Variants in CDH13 observed in about 807,000 individuals in gnomAD.
The protein encoded by CDH13 is cadherin-13.
Under a neutral mutation model 63.8 loss-of-function variants are expected in CDH13, and 24 were observed. That is an observed-to-expected ratio of 0.38 (90% CI 0.27 to 0.53). The LOEUF is 0.53. Ranked by LOEUF, CDH13 falls within the 20% of genes least tolerant of loss-of-function variation. The pLI is 0.85. For missense variants in CDH13, 1,049 were observed against 903.1 expected, an observed-to-expected ratio of 1.16 and a Z score of -2.07; for synonymous variants, 503 against 355.3, an observed-to-expected ratio of 1.42 and a Z score of -4.67.
intron 8 of CDH13, among the ~76,000 whole-genome samples, chr16:83,646,052 GT>G (rs1911760610): frequency 6.6e-6 from 1 of 152,148 alleles, no homozygotes; most frequent in Non-Finnish European, 1.5e-5. Context: ...AGCTGTATGG[GT>G]TGGAGCAGTG....
chr16:83,481,452 G>A (rs981833603), intron 6 of CDH13, among the ~76,000 whole-genome samples: 2 of 152,208 alleles, frequency 1.3e-5, no homozygotes, highest in Admixed American at 1.3e-4. Flanking sequence ...TTCTCAAGGG[G>A]TTGGCCGTGC....
intron 8 of CDH13, among the ~76,000 whole-genome samples, chr16:83,649,322 A>G (rs1255847027): frequency 1.3e-5 from 2 of 152,212 alleles, no homozygotes; most frequent in Admixed American, 6.5e-5. Context: ...TTGCAAATAA[A>G]TTTACAGTGC....
chr16:83,400,001 A>G (rs886407504), intron 6 of CDH13, among the ~76,000 whole-genome samples: 1 of 152,176 alleles, frequency 6.6e-6, no homozygotes, highest in African/African-American at 2.4e-5. Context: ...AATCCTCTAG[A>G]ATTGTATGGT....
intron 1 of CDH13, among the ~76,000 whole-genome samples, chr16:82,854,920 C>T (rs1248958057): frequency 1.3e-5 from 2 of 152,124 alleles, no homozygotes; most frequent in Non-Finnish European, 2.9e-5. Flanking sequence ...TTGCTTTGGA[C>T]AATGTGTAGC....
At chr16:83,140,016 A>G (rs1310785897) in intron 4 of CDH13, among the ~76,000 whole-genome samples, 1 of 152,120 alleles carries the variant, frequency 6.6e-6, no homozygotes, top group Non-Finnish European at 1.5e-5. Flanking sequence ...ATAAATAAAT[A>G]TCCCTGAGTC....
chr16:83,185,107 G>A (rs2038477364), intron 4 of CDH13, among the ~76,000 whole-genome samples: 1 of 152,006 alleles, frequency 6.6e-6, no homozygotes, highest in South Asian at 2.1e-4. Context: ...TATATATAAA[G>A]AAACTGAGGC....
intron 4 of CDH13, among the ~76,000 whole-genome samples, chr16:83,147,663 G>T (rs545772944): frequency 6.6e-6 from 1 of 152,054 alleles, no homozygotes; most frequent in Non-Finnish European, 1.5e-5. Context: ...ACATCCTTAT[G>T]GGAAAGGGAC....
chr16:83,166,622 G>A (rs985112920), intron 4 of CDH13, among the ~76,000 whole-genome samples: 1 of 152,064 alleles, frequency 6.6e-6, no homozygotes, highest in East Asian at 1.9e-4. Context: ...AATATAGATT[G>A]TGCTCTTACC....
chr16:83,180,216 C>T (rs2038294695), intron 4 of CDH13, among the ~76,000 whole-genome samples: 1 of 151,946 alleles, frequency 6.6e-6, no homozygotes, highest in Admixed American at 6.6e-5. Context: ...AGCCCTAAAT[C>T]AATCAACATA....
At chr16:83,411,725 A>G (rs1280583882) in intron 6 of CDH13, among the ~76,000 whole-genome samples, 1 of 152,182 alleles carries the variant, frequency 6.6e-6, no homozygotes, top group South Asian at 2.1e-4. Flanking sequence ...TGTTTCACAC[A>G]GAGTAGGCAC....
At chr16:83,309,825 ACTTTGT>A (rs987767621) in intron 5 of CDH13, among the ~76,000 whole-genome samples, 12 of 151,468 alleles carry the variant, frequency 7.9e-5, no homozygotes, top group Admixed American at 2.0e-4. Context: ...TTTTTTTTTA[ACTTTGT>A]CTTTGTGGAC....
intron 7 of CDH13, among the ~76,000 whole-genome samples, chr16:83,547,012 G>T (rs541919088): frequency 6.6e-6 from 1 of 152,324 alleles, no homozygotes; most frequent in South Asian, 2.1e-4. Flanking sequence ...AAGGACCACA[G>T]TTGGCTTGAA....
chr16:82,836,221 T>C (rs1438067533), intron 1 of CDH13, among the ~76,000 whole-genome samples: 1 of 152,146 alleles, frequency 6.6e-6, no homozygotes, highest in East Asian at 1.9e-4. Flanking sequence ...CGATCTCGGC[T>C]CACTGCAACC....
At chr16:82,806,716 C>T (rs1029520398) in intron 1 of CDH13, among the ~76,000 whole-genome samples, 1 of 152,032 alleles carries the variant, frequency 6.6e-6, no homozygotes, top group Admixed American at 6.6e-5. Flanking sequence ...GCAGGGAGAG[C>T]TGGAGAGTTC....
intron 2 of CDH13, among the ~76,000 whole-genome samples, chr16:82,935,968 G>A (rs2042653740): frequency 6.6e-6 from 1 of 152,184 alleles, no homozygotes. Flanking sequence ...GGCAGTGTCT[G>A]ATTTGCATAG....
intron 5 of CDH13, among the ~76,000 whole-genome samples, chr16:83,299,292 GAAAA>G (rs11308841): frequency 4.9e-5 from 7 of 143,278 alleles, no homozygotes; most frequent in South Asian, 2.3e-4. Context: ...ATCAGGCCAT[GAAAA>G]AAAAAAAAAA....
intron 2 of CDH13, among the ~76,000 whole-genome samples, chr16:82,882,091 CAG>C (rs999654353): frequency 2.6e-5 from 4 of 152,224 alleles, no homozygotes; most frequent in African/African-American, 9.6e-5. Flanking sequence ...TGATTCACAT[CAG>C]AGCTTTTTTA....
chr16:83,381,524 A>T (rs2091566752), intron 6 of CDH13, among the ~76,000 whole-genome samples: 1 of 151,926 alleles, frequency 6.6e-6, no homozygotes, highest in African/African-American at 2.4e-5. Context: ...TCAAGTCTTG[A>T]ACACATTAAA....
intron 3 of CDH13, among the ~76,000 whole-genome samples, chr16:83,101,610 A>G (rs901444066): frequency 6.6e-6 from 1 of 152,156 alleles, no homozygotes; most frequent in African/African-American, 2.4e-5. Flanking sequence ...CCTGGCTAAC[A>G]TGGCCAAACC....
Sources: gnomAD v4.1 joint callset for allele counts (sites outside exome capture counted in the v4.1 genomes callset) on GRCh38, gnomAD v4.1.1 for gene constraint, MANE v1.5 for transcripts, NCBI Gene and HGNC (gene_info 2026-07-23, HGNC 2026-07-21) for gene names.